The following MMD2 variants were observed in gnomAD, a reference collection of about 807,000 sequenced individuals.
MMD2 encodes the protein monocyte to macrophage differentiation associated 2.
In MMD2, 30 loss-of-function variants were observed where a neutral mutation model predicts 33.5. That is an observed-to-expected ratio of 0.90 (90% CI 0.67 to 1.22). The LOEUF is 1.22. MMD2 is among the 50% of genes most tolerant of loss of function. The pLI is 0.00. For missense variants in MMD2, 364 were observed against 325.4 expected (o/e 1.12, Z -0.91); for synonymous variants, 129 against 123.0 (o/e 1.05, Z -0.32).
rs370715172 is a variant in MMD2 at position 4,924,907 on chromosome 7, AC to A, written c.129+543del. On this transcript the variant is annotated intron_variant, in intron 2 of 6. Coordinates refer to ENST00000401401, the MANE Select transcript of MMD2 (RefSeq NM_198403.4). The stretch of plus-strand genomic sequence containing the variant: ...AGAGTGACAGGATGCCATACTAGGT[AC>A]TAGGGAGCCATCGAAGGTTCTTTTT... Among the ~76,000 whole-genome samples the A allele has an allele frequency of 2.5e-3, 386 of 152,100 alleles. 2 individuals are homozygous for A. The highest frequency in any genetic ancestry group is 9.0e-3 in the African/African-American group (374 of 41,520).
intron 1 of MMD2, among the ~76,000 whole-genome samples, chr7:4,932,264 C>T (rs1020117398): frequency 5.3e-5 from 8 of 152,122 alleles, no homozygotes; most frequent in African/African-American, 1.9e-4. Flanking sequence ...GGAGACAGGG[C>T]CGTGGGCAAA....
chr7:4,909,846 C>T (rs1211188067), intron 6 of MMD2, 35 bp downstream of exon 6: 1 of 1,589,810 alleles, frequency 6.3e-7, no homozygotes, highest in Non-Finnish European at 8.6e-7. Flanking sequence ...TGGTCTCTTG[C>T]AGGGACTCAT....
rs527499339 is a variant in MMD2 at position 4,952,797 on chromosome 7, T to G, written c.47+6174A>C. Among the ~76,000 whole-genome samples, 19 of 151,212 alleles carry G rather than the reference T, an allele frequency of 1.3e-4. No individual in the cohort carries two copies. In the East Asian group the frequency reaches 3.3e-3, roughly 26 times the overall value. On this transcript the variant is annotated intron_variant, in intron 1 of 6. Transcript: ENST00000401401. The stretch of plus-strand genomic sequence containing the variant: ...GCCTCCGCCTCCTGGGTTCAAGCAA[T>G]TCTCCTGCCTCAGCCTCCCGAGTAG...
intron 4 of MMD2, among the ~76,000 whole-genome samples, chr7:4,915,764 A>C (rs576490373): frequency 9.2e-6 from 1 of 108,986 alleles, no homozygotes; most frequent in Non-Finnish European, 2.0e-5. Context: ...AAAAAAAAAC[A>C]ATGTATATAT....
At chr7:4,936,628 A>C (rs944490650) in intron 1 of MMD2, among the ~76,000 whole-genome samples, 4 of 152,164 alleles carry the variant, frequency 2.6e-5, no homozygotes, top group African/African-American at 9.7e-5. Flanking sequence ...CATGGGCTAA[A>C]GCAATCCTCC....
chr7:4,894,517 A>T, the MMD2 span, among the ~76,000 whole-genome samples: 1 of 152,018 alleles, frequency 6.6e-6, no homozygotes, highest in East Asian at 1.9e-4. This position sits in a 1 kb window ranked among gnomAD's most constrained non-coding sequence, Gnocchi z 4.3. Context: ...CTATTGGGCC[A>T]TCAGATTCCA....
Position 4,916,022 on chromosome 7 carries a change from C to A in MMD2, c.348G>T (p.Ala116=). The change falls in exon 4 of 7, where the codon GCG becomes GCT. Residue 116 remains alanine, a synonymous_variant. Transcript: ENST00000401401. ...FDRMVIYFFI[A]ASYAPWLNLR... ...GTACTCACCAGGGTGCGTAGGAAGCCGCTATGAAGAAATAGATGACCATCC... is the reference window on the plus strand; with the variant it reads ...GTACTCACCAGGGTGCGTAGGAAGCAGCTATGAAGAAATAGATGACCATCC... The A allele has an allele frequency of 1.2e-6, 2 of 1,613,820 alleles. No homozygotes were observed. Among genetic ancestry groups the A allele is most frequent in the Non-Finnish European group, 1.7e-6 (2 of 1,179,850 alleles).
Position 4,940,180 on chromosome 7 carries a change from A to G in MMD2, c.48-14648T>C, listed in dbSNP as rs1169632902. On this transcript the variant is annotated intron_variant, in intron 1 of 6. Transcript: ENST00000401401. This position sits in a 1 kb window ranked among gnomAD's most constrained non-coding sequence, Gnocchi z 5.0. ...GGGGTTCCTGAGGCCTGGCATGTTG[A>G]GCATCCTGACCTGGGTGCAGGGTCC... Among the ~76,000 whole-genome samples, 1 of 152,090 alleles carries G rather than the reference A, an allele frequency of 6.6e-6. No individual in the cohort carries two copies. The highest frequency in any genetic ancestry group is 2.4e-5 in the African/African-American group (1 of 41,424).
At chr7:4,910,000 G>T in intron 5 of MMD2, 50 bp from the exon 6 acceptor site, 1 of 1,613,968 alleles carries the variant, frequency 6.2e-7, no homozygotes, top group South Asian at 1.1e-5. Context: ...TCCCCACGAA[G>T]AAACTGCACA....
At chr7:4,919,950 G>A (rs4724186) in intron 3 of MMD2, among the ~76,000 whole-genome samples, 77,831 of 151,798 alleles carry the variant, frequency 0.51, 22,051 homozygotes, top group African/African-American at 0.76. Flanking sequence ...TCCCGTGGGC[G>A]AGGTGGTCCG....
At chr7:4,953,733 A>T (rs922922143) in intron 1 of MMD2, among the ~76,000 whole-genome samples, 3 of 152,148 alleles carry the variant, frequency 2.0e-5, no homozygotes, top group Admixed American at 6.6e-5. Flanking sequence ...GGCTTCCCAA[A>T]GTGCTGGAAT....
intron 1 of MMD2, among the ~76,000 whole-genome samples, chr7:4,936,778 A>G (rs1004717780): frequency 7.9e-5 from 12 of 152,044 alleles, no homozygotes; most frequent in African/African-American, 2.9e-4. Context: ...TCTGTTACCC[A>G]GGCTGGAGTG....
intron 2 of MMD2, among the ~76,000 whole-genome samples, chr7:4,925,245 T>C (rs1445020732): frequency 6.6e-6 from 1 of 152,030 alleles, no homozygotes; most frequent in African/African-American, 2.4e-5. Context: ...CGAAGGTTCT[T>C]AGAGCAAGAC....
chr7:4,941,775 T>C (rs1035020442), intron 1 of MMD2, among the ~76,000 whole-genome samples: 2 of 151,606 alleles, frequency 1.3e-5, no homozygotes, highest in Admixed American at 1.3e-4. Context: ...GTCACGGGGG[T>C]CTGGTGTCCC....
chr7:4,894,738 A>G, the MMD2 span, among the ~76,000 whole-genome samples: 96,970 of 151,826 alleles, frequency 0.64, 31,618 homozygotes, highest in East Asian at 0.8. The surrounding 1 kb of genome is among the most constrained non-coding windows in gnomAD (Gnocchi z 4.3). Flanking sequence ...CCGGCCAGTC[A>G]TTTGTCTCTG....
intron 1 of MMD2, among the ~76,000 whole-genome samples, chr7:4,957,371 G>A (rs997766256): frequency 3.3e-5 from 5 of 151,428 alleles, no homozygotes; most frequent in Middle Eastern, 3.4e-3. Flanking sequence ...AACAAAGGCC[G>A]GGGGCGGTGG....
chr7:4,930,692 CAG>C (rs1023603344), intron 1 of MMD2, among the ~76,000 whole-genome samples: 1 of 149,760 alleles, frequency 6.7e-6, no homozygotes, highest in African/African-American at 2.5e-5. Context: ...CAAATGAAGA[CAG>C]AGACACACGG....
At chr7:4,924,214 T>TAAC (rs373078646) in intron 2 of MMD2, among the ~76,000 whole-genome samples, 18 of 151,618 alleles carry the variant, frequency 1.2e-4, no homozygotes, top group African/African-American at 3.1e-4. Flanking sequence ...AACAAAACAA[T>TAAC]AACAACAACA....
At chr7:4,895,328 G>A in the MMD2 span, among the ~76,000 whole-genome samples, 13 of 152,096 alleles carry the variant, frequency 8.5e-5, no homozygotes, top group East Asian at 1.9e-4. Context: ...CGCCCTCCTC[G>A]GCCTCCCAAA....
Sources: allele counts gnomAD v4.1 joint callset (sites outside exome capture counted in the v4.1 genomes callset), GRCh38; gene constraint gnomAD v4.1.1; non-coding constraint Gnocchi (gnomAD v3.1); transcripts MANE v1.5; gene names NCBI Gene and HGNC (gene_info 2026-07-23, HGNC 2026-07-21).